FGF14: variants seen among roughly 807,000 people sequenced by gnomAD.
FGF14 encodes fibroblast growth factor 14.
A neutral mutation model predicts 25.5 loss-of-function variants in FGF14; 5 were observed. The ratio of observed to expected loss-of-function variants is 0.20; its 90% CI spans 0.10 to 0.41. FGF14 has a LOEUF of 0.41. Ranked by LOEUF, FGF14 falls within the 10% of genes least tolerant of loss-of-function variation. FGF14 has a pLI of 1.00. For synonymous variants in FGF14, 138 were observed against 118.3 expected (o/e 1.17, Z -1.08); for missense variants, 222 against 320.1 (o/e 0.69, Z 2.34).
chr13:101,882,997 C>T (rs978975564), intron 1 of FGF14, among the ~76,000 whole-genome samples: 31 of 151,928 alleles, frequency 2.0e-4, no homozygotes, highest in African/African-American at 7.5e-4. Context: ...AGAAAAGAGG[C>T]GGCATTCAGA....
intron 1 of FGF14, among the ~76,000 whole-genome samples, chr13:101,941,236 G>A (rs2035429286): frequency 6.6e-6 from 1 of 152,152 alleles, no homozygotes; most frequent in South Asian, 2.1e-4. Context: ...AATCATCATC[G>A]ATATGCACAG....
intron 1 of FGF14, among the ~76,000 whole-genome samples, chr13:101,903,016 G>A (rs564426465): frequency 1.3e-5 from 2 of 152,208 alleles, no homozygotes; most frequent in South Asian, 4.1e-4. Context: ...TTCATCCAAT[G>A]TTGCCATCTA....
chr13:102,050,835 G>C (rs1382089115), intron 1 of FGF14, among the ~76,000 whole-genome samples: 2 of 152,170 alleles, frequency 1.3e-5, no homozygotes, highest in Non-Finnish European at 2.9e-5. Context: ...GCATACCTGA[G>C]ACACCAGGAG....
chr13:102,048,984 T>C (rs887740874), intron 1 of FGF14, among the ~76,000 whole-genome samples: 2 of 152,108 alleles, frequency 1.3e-5, no homozygotes, highest in African/African-American at 4.8e-5. Context: ...CAGCTGATAA[T>C]GGGAGAAAAA....
rs1245339711 is a variant in FGF14 at position 101,722,959 on chromosome 13, A to G, written c.616T>C (p.Tyr206His). Residue 206 changes from tyrosine (Y) to histidine (H), a missense_variant, in exon 5 of 5, where the codon TAC (tyrosine) becomes CAC (histidine). Tyr to His is a moderately conservative substitution (Grantham distance 83, BLOSUM62 2). Coordinates refer to ENST00000376143, the MANE Select transcript of FGF14 (RefSeq NM_004115.4). ...FLPKPLEVAM[Y>H]REPSLHDVGE... ...ACATCATGCAAAGATGGTTCTCGGT[A>G]CATGGCAACTAGTGATGGGAAGAAA... is the stretch of plus-strand genomic sequence containing the variant. The G allele has an allele frequency of 6.2e-7, 1 of 1,613,336 alleles. No homozygotes were observed. The highest frequency in any genetic ancestry group is 8.5e-7 in the Non-Finnish European group (1 of 1,179,480).
chr13:102,045,016 T>C (rs1398030167), intron 1 of FGF14, among the ~76,000 whole-genome samples: 1 of 152,182 alleles, frequency 6.6e-6, no homozygotes, highest in Non-Finnish European at 1.5e-5. Context: ...CATGTGTCTA[T>C]AACCTCACTG....
At chr13:101,970,836 G>A (rs1049250359) in intron 1 of FGF14, among the ~76,000 whole-genome samples, 10 of 152,082 alleles carry the variant, frequency 6.6e-5, no homozygotes, top group African/African-American at 2.4e-4. Context: ...GACCACTTTT[G>A]TTCATAGTGC....
At chr13:101,798,019 C>T (rs35877524) in intron 3 of FGF14, among the ~76,000 whole-genome samples, 4,116 of 152,126 alleles carry the variant, frequency 0.027, 75 homozygotes, top group Middle Eastern at 0.061. Flanking sequence ...TAACGTTACT[C>T]GCTGTTCTTC....
At chr13:102,079,657 CAG>C (rs2043525353) in intron 1 of FGF14, among the ~76,000 whole-genome samples, 1 of 152,126 alleles carries the variant, frequency 6.6e-6, no homozygotes, top group Non-Finnish European at 1.5e-5. Flanking sequence ...GAACAAAACA[CAG>C]AGAGTCTGTG....
chr13:101,733,708 T>A (rs1262650549), intron 3 of FGF14, among the ~76,000 whole-genome samples: 1 of 151,796 alleles, frequency 6.6e-6, no homozygotes, highest in East Asian at 1.9e-4. Context: ...CAGCAACTTA[T>A]ATTTATAGGG....
At chr13:102,298,598 T>C (rs763514560) in intron 1 of FGF14, among the ~76,000 whole-genome samples, 1 of 152,166 alleles carries the variant, frequency 6.6e-6, no homozygotes, top group Non-Finnish European at 1.5e-5. Flanking sequence ...CCGGTTTTTA[T>C]TTTACACTGT....
intron 1 of FGF14, among the ~76,000 whole-genome samples, chr13:101,949,643 A>G (rs2036031160): frequency 1.3e-5 from 2 of 152,214 alleles, no homozygotes; most frequent in South Asian, 2.1e-4. Context: ...CCAAATGCCT[A>G]TATTTTCCCC....
chr13:102,213,079 C>T (rs1473808522), intron 1 of FGF14, among the ~76,000 whole-genome samples: 2 of 152,158 alleles, frequency 1.3e-5, no homozygotes, highest in Non-Finnish European at 2.9e-5. Context: ...GAGATTTCTT[C>T]GAAAACAGCT....
At chr13:102,340,311 A>G (rs989679396) in intron 1 of FGF14, among the ~76,000 whole-genome samples, 12 of 152,280 alleles carry the variant, frequency 7.9e-5, no homozygotes, top group East Asian at 3.9e-4. Context: ...TTTCACATCA[A>G]AAAATATTTT....
At chr13:101,861,555 G>A (rs868706482) in intron 3 of FGF14, among the ~76,000 whole-genome samples, 4 of 138,842 alleles carry the variant, frequency 2.9e-5, no homozygotes, top group South Asian at 2.3e-4. Flanking sequence ...ACTAGTGTCT[G>A]CAAGGCACAT....
chr13:101,778,211 G>T (rs1168343498), intron 3 of FGF14, among the ~76,000 whole-genome samples: 2 of 152,150 alleles, frequency 1.3e-5, no homozygotes, highest in Admixed American at 6.5e-5. Context: ...CTAGCTTAGT[G>T]CTCAATACAG....
At chr13:101,841,436 C>T (rs561053129) in intron 3 of FGF14, among the ~76,000 whole-genome samples, 1 of 151,942 alleles carries the variant, frequency 6.6e-6, no homozygotes, top group South Asian at 2.1e-4. Flanking sequence ...TTTGAGTTAG[C>T]CTAAGTTAAA....
chr13:102,110,750 T>A (rs374208728), intron 1 of FGF14, among the ~76,000 whole-genome samples: 1 of 151,912 alleles, frequency 6.6e-6, no homozygotes, highest in Admixed American at 6.6e-5. Flanking sequence ...CCAAGCCTTC[T>A]AGGGAAAGAA....
rs75032606 is a variant in FGF14 at position 102,365,571 on chromosome 13, G to A, written c.208+35900C>T. ...ATGACTTTTCATTAGAAACTTTTGC[G>A]TTATCTTTGATTCCTTGTTTTGCTT... On this transcript the variant is annotated intron_variant, in intron 1 of 4. Transcript: ENST00000376131. Among the ~76,000 whole-genome samples the A allele has an allele frequency of 2.0e-4, 30 of 152,108 alleles. No individual in the cohort carries two copies. In the East Asian group the frequency reaches 4.2e-3, roughly 22 times the overall value.
Sources: gnomAD v4.1 joint callset for allele counts (sites outside exome capture counted in the v4.1 genomes callset) on GRCh38, gnomAD v4.1.1 for gene constraint, MANE v1.5 for transcripts, NCBI Gene and HGNC (gene_info 2026-07-23, HGNC 2026-07-21) for gene names.